The following FHIT variants were observed in gnomAD, a reference collection of about 807,000 sequenced individuals.
The protein encoded by FHIT is bis(5'-adenosyl)-triphosphatase.
In FHIT, 19 loss-of-function variants were observed where a neutral mutation model predicts 17.9. The observed-to-expected ratio is 1.06, with a 90% CI of 0.74 to 1.56. The LOEUF (loss-of-function observed/expected upper bound fraction) is 1.56. Ranked by LOEUF, FHIT falls within the 40% of genes most tolerant of loss-of-function variation. The pLI, the probability that FHIT is intolerant of heterozygous loss-of-function variation, is 0.00. For missense variants in FHIT, 248 were observed against 189.2 expected (o/e 1.31, Z -1.82); for synonymous variants, 81 against 69.7 (o/e 1.16, Z -0.81).
intron 8 of FHIT, among the ~76,000 whole-genome samples, chr3:59,836,651 G>C (rs1701350344): frequency 6.6e-6 from 1 of 152,168 alleles, no homozygotes; most frequent in Non-Finnish European, 1.5e-5. Flanking sequence ...CAGGCTCAAG[G>C]ACTGCTGCTT....
chr3:60,096,554 C>A (rs1703957129), intron 5 of FHIT, among the ~76,000 whole-genome samples: 1 of 152,176 alleles, frequency 6.6e-6, no homozygotes, highest in Non-Finnish European at 1.5e-5. Context: ...GGTGGGATTT[C>A]ACTGGGGACT....
In FHIT at chr3:60,901,905, C is replaced by T. The variant is rs76777117; in HGVS notation, c.-110-79894G>A. Reference sequence around the variant, plus strand: ...ATAAGCTAGGAATACGTCATAAGTACTGTTTTGTCCTCGCGTTGGGGATTT... The same window carrying T: ...ATAAGCTAGGAATACGTCATAAGTATTGTTTTGTCCTCGCGTTGGGGATTT... On this transcript the variant is annotated intron_variant, in intron 3 of 9. Coordinates refer to ENST00000492590, the MANE Select transcript of FHIT (RefSeq NM_002012.4). 2.9e-3 allele frequency among the ~76,000 whole-genome samples: 444 copies of T among 152,230 alleles called. 4 individuals carry two copies. Among genetic ancestry groups the T allele is most frequent in the Non-Finnish European group, 4.3e-3 (293 of 68,016 alleles).
At chr3:60,795,664 G>A (rs1207258470) in intron 4 of FHIT, among the ~76,000 whole-genome samples, 1 of 152,076 alleles carries the variant, frequency 6.6e-6, no homozygotes, top group East Asian at 1.9e-4. Context: ...ACTGGCATGC[G>A]CCACTACCCC....
chr3:60,604,972 C>T (rs2038563723), intron 4 of FHIT, among the ~76,000 whole-genome samples: 1 of 152,152 alleles, frequency 6.6e-6, no homozygotes, highest in Non-Finnish European at 1.5e-5. Context: ...TTTCTGACTT[C>T]ATTCAGGCTC....
chr3:60,397,598 G>C (rs568379735), intron 5 of FHIT, among the ~76,000 whole-genome samples: 1 of 152,176 alleles, frequency 6.6e-6, no homozygotes, highest in Non-Finnish European at 1.5e-5. Flanking sequence ...CCCACAACAA[G>C]AGACCTCAGT....
At chr3:59,788,805 T>G (rs914021705) in intron 8 of FHIT, among the ~76,000 whole-genome samples, 1 of 151,016 alleles carries the variant, frequency 6.6e-6, no homozygotes, top group Non-Finnish European at 1.5e-5. Flanking sequence ...TAGGCCAATT[T>G]ACAGTGGGGT....
At chr3:60,609,410 C>T (rs1014173150) in intron 4 of FHIT, among the ~76,000 whole-genome samples, 2 of 152,076 alleles carry the variant, frequency 1.3e-5, no homozygotes, top group African/African-American at 4.8e-5. Flanking sequence ...ACTGCAATCT[C>T]CGCCTCTCGG....
intron 7 of FHIT, among the ~76,000 whole-genome samples, chr3:59,927,301 C>A (rs751265441): frequency 9.9e-5 from 15 of 152,086 alleles, no homozygotes; most frequent in Non-Finnish European, 2.1e-4. Context: ...TGCAGGGTAA[C>A]TGCTAATGGG....
At chr3:60,762,455 T>C (rs1262944699) in intron 4 of FHIT, among the ~76,000 whole-genome samples, 8 of 152,158 alleles carry the variant, frequency 5.3e-5, no homozygotes, top group African/African-American at 1.9e-4. Flanking sequence ...AGTCAGTTTG[T>C]AGCCTATGAG....
At chr3:59,920,256 C>A (rs1437033188) in intron 8 of FHIT, among the ~76,000 whole-genome samples, 2 of 152,160 alleles carry the variant, frequency 1.3e-5, no homozygotes, top group East Asian at 3.9e-4. Context: ...CTTACTTCTG[C>A]CTGTTTCTAG....
intron 5 of FHIT, among the ~76,000 whole-genome samples, chr3:60,065,795 C>A (rs1177532907): frequency 6.6e-6 from 1 of 152,166 alleles, no homozygotes; most frequent in Non-Finnish European, 1.5e-5. Context: ...TACTCATTCT[C>A]TCAGACCATC....
chr3:60,760,176 G>A (rs1699593945), intron 4 of FHIT, among the ~76,000 whole-genome samples: 1 of 152,104 alleles, frequency 6.6e-6, no homozygotes, highest in Non-Finnish European at 1.5e-5. Flanking sequence ...GTCTAGTAGG[G>A]AGAGGAACCC....
At chr3:60,172,742 T>C (rs1409237494) in intron 5 of FHIT, among the ~76,000 whole-genome samples, 1 of 152,078 alleles carries the variant, frequency 6.6e-6, no homozygotes, top group Non-Finnish European at 1.5e-5. Flanking sequence ...GAGACAAGGT[T>C]GGTGTGAGAT....
At chr3:60,488,439 C>T (rs1024581226) in intron 5 of FHIT, among the ~76,000 whole-genome samples, 1 of 152,118 alleles carries the variant, frequency 6.6e-6, no homozygotes, top group Non-Finnish European at 1.5e-5. Context: ...ACTCAACCAA[C>T]AGTCACTGTA....
intron 8 of FHIT, among the ~76,000 whole-genome samples, chr3:59,872,199 G>A (rs1192928180): frequency 1.3e-5 from 2 of 152,164 alleles, no homozygotes; most frequent in Non-Finnish European, 2.9e-5. Flanking sequence ...TAGAGAAGGA[G>A]GTTAGGATCT....
At chr3:59,863,287 C>T (rs540043184) in intron 8 of FHIT, among the ~76,000 whole-genome samples, 7 of 152,314 alleles carry the variant, frequency 4.6e-5, no homozygotes, top group Non-Finnish European at 8.8e-5. Context: ...TTAGACTACT[C>T]CAGTGCTCAC....
chr3:60,656,964 AT>A (rs2040130391), intron 4 of FHIT, among the ~76,000 whole-genome samples: 1 of 94,950 alleles, frequency 1.1e-5, no homozygotes, highest in Admixed American at 1.2e-4. Context: ...CTGAAAGGGA[AT>A]TTTTTTATGT....
intron 4 of FHIT, among the ~76,000 whole-genome samples, chr3:60,544,440 C>G (rs1030079612): frequency 1.3e-5 from 2 of 151,932 alleles, no homozygotes; most frequent in Non-Finnish European, 2.9e-5. Context: ...ATGTGGCAAA[C>G]TACATTAGCA....
At chr3:60,504,713 A>C (rs1290307682) in intron 5 of FHIT, among the ~76,000 whole-genome samples, 1 of 152,238 alleles carries the variant, frequency 6.6e-6, no homozygotes, top group South Asian at 2.1e-4. Context: ...AATATGCTTT[A>C]GAAATATGTG....
Sources: gnomAD v4.1 joint callset for allele counts (sites outside exome capture counted in the v4.1 genomes callset) on GRCh38, gnomAD v4.1.1 for gene constraint, MANE v1.5 for transcripts, NCBI Gene and HGNC (gene_info 2026-07-23, HGNC 2026-07-21) for gene names.